HECW2: variants seen among roughly 807,000 people sequenced by gnomAD.
HECW2 encodes HECT, C2 and WW domain containing E3 ubiquitin protein ligase 2, also known as E3 ubiquitin-protein ligase HECW2.
A neutral mutation model predicts 175.2 loss-of-function variants in HECW2; 61 were observed. The observed-to-expected ratio is 0.35, with a 90% confidence interval of 0.28 to 0.43. The LOEUF (loss-of-function observed/expected upper bound fraction) is 0.43. HECW2 is among the 20% of genes least tolerant of loss of function. The pLI is 1.00. For missense variants in HECW2, 1,524 were observed against 2,000.5 expected, an observed-to-expected ratio of 0.76 and a Z score of 4.54; for synonymous variants, 671 against 731.0, an observed-to-expected ratio of 0.92 and a Z score of 1.32.
At chr2:196,446,269 A>G (rs566429996) in intron 1 of HECW2, among the ~76,000 whole-genome samples, 2 of 152,212 alleles carry the variant, frequency 1.3e-5, no homozygotes, top group Non-Finnish European at 2.9e-5. Flanking sequence ...TACTTCTTTC[A>G]TGGTTTTACC....
chr2:196,243,329 G>A (rs889604698), intron 19 of HECW2, among the ~76,000 whole-genome samples: 4 of 151,646 alleles, frequency 2.6e-5, no homozygotes, highest in Admixed American at 6.6e-5. Flanking sequence ...CACCACGCCC[G>A]ACTAATTTTG....
intron 4 of HECW2, among the ~76,000 whole-genome samples, chr2:196,333,378 G>C (rs552760067): frequency 6.6e-6 from 1 of 152,130 alleles, no homozygotes; most frequent in Non-Finnish European, 1.5e-5. Flanking sequence ...GTGCTTGATA[G>C]GTACAAGCAC....
At chr2:196,373,799 G>A (rs902717533) in intron 2 of HECW2, among the ~76,000 whole-genome samples, 2 of 152,072 alleles carry the variant, frequency 1.3e-5, no homozygotes, top group Admixed American at 1.3e-4. Context: ...TTGGGAAGCC[G>A]AGGCGGGCAG....
At chr2:196,293,359 TC>T (rs1375073598) in intron 13 of HECW2, among the ~76,000 whole-genome samples, 15 of 152,226 alleles carry the variant, frequency 9.9e-5, no homozygotes, top group Admixed American at 9.8e-4. Context: ...TGCATAGCAT[TC>T]CATGGTATAT....
At chr2:196,425,121 C>A (rs1695506864) in intron 2 of HECW2, among the ~76,000 whole-genome samples, 1 of 151,368 alleles carries the variant, frequency 6.6e-6, no homozygotes, top group Non-Finnish European at 1.5e-5. Flanking sequence ...AGAAATGGAA[C>A]AACAAAGCCA....
intron 17 of HECW2, among the ~76,000 whole-genome samples, chr2:196,261,148 G>A (rs1010551346): frequency 1.3e-5 from 2 of 152,050 alleles, no homozygotes; most frequent in African/African-American, 2.4e-5. Flanking sequence ...CGCACACTTC[G>A]CTTAGCAATT....
chr2:196,339,886 T>C (rs1197890662), intron 3 of HECW2, among the ~76,000 whole-genome samples: 1 of 152,214 alleles, frequency 6.6e-6, no homozygotes, highest in Non-Finnish European at 1.5e-5. Flanking sequence ...CCCACATTTA[T>C]ACTTGGTTTT....
chr2:196,241,340 A>G (rs115729730), intron 20 of HECW2, among the ~76,000 whole-genome samples: 1 of 152,154 alleles, frequency 6.6e-6, no homozygotes, highest in East Asian at 1.9e-4. Flanking sequence ...AGGGCAATGA[A>G]GGTGGATTTT....
chr2:196,468,179 G>A (rs1446352090), intron 1 of HECW2, among the ~76,000 whole-genome samples: 1 of 152,204 alleles, frequency 6.6e-6, no homozygotes, highest in African/African-American at 2.4e-5. Context: ...ATTTTTAGTA[G>A]AGATAGGGTT....
Position 196,225,879 on chromosome 2 carries a change from G to A in HECW2, c.3918-9C>T. 1 of 1,551,216 alleles carries A rather than the reference G, an allele frequency of 6.4e-7. No individual in the cohort carries two copies. The highest frequency in any genetic ancestry group is 8.9e-7 in the Non-Finnish European group (1 of 1,123,088). Reference sequence around the variant, plus strand: ...TACCACTGAATCGGAACCTGTGAAGGAAACACATGAGATGGCTTACATGTC... The same window carrying A: ...TACCACTGAATCGGAACCTGTGAAGAAAACACATGAGATGGCTTACATGTC... On this transcript the variant is annotated splice_polypyrimidine_tract_variant and intron_variant, in intron 22 of 28. Transcript: ENST00000644978.
chr2:196,295,705 G>A (rs1690784988), intron 13 of HECW2, among the ~76,000 whole-genome samples: 1 of 152,120 alleles, frequency 6.6e-6, no homozygotes, highest in Non-Finnish European at 1.5e-5. Context: ...TGTTAAAAAA[G>A]AACTTCATTA....
chr2:196,329,165 T>C (rs1692264028), intron 5 of HECW2, among the ~76,000 whole-genome samples: 1 of 152,212 alleles, frequency 6.6e-6, no homozygotes, highest in Non-Finnish European at 1.5e-5. Context: ...GCTTATCCAC[T>C]TTCCAATTTG....
intron 2 of HECW2, among the ~76,000 whole-genome samples, chr2:196,396,744 C>T (rs1458562402): frequency 6.6e-6 from 1 of 151,924 alleles, no homozygotes; most frequent in Non-Finnish European, 1.5e-5. Context: ...TGGGATGTGG[C>T]AATGTCCCCT....
chr2:196,258,071 T>G, intron 17 of HECW2, 165 bp from the exon 18 acceptor site: 1 of 536,936 alleles, frequency 1.9e-6, no homozygotes, highest in Non-Finnish European at 3.3e-6. Context: ...GACATGGTCT[T>G]TGCCTTCAAG....
chr2:196,383,854 TA>T (rs1278996872), intron 2 of HECW2, among the ~76,000 whole-genome samples: 4 of 152,274 alleles, frequency 2.6e-5, no homozygotes, highest in Admixed American at 2.6e-4. Context: ...TATTCTCATT[TA>T]TTTCACGGCA....
intron 1 of HECW2, among the ~76,000 whole-genome samples, chr2:196,486,524 C>A (rs1320144940): frequency 6.6e-6 from 1 of 152,154 alleles, no homozygotes; most frequent in African/African-American, 2.4e-5. Flanking sequence ...ACAGGAGTGA[C>A]CCTAACAGAA....
chr2:196,367,844 T>C (rs909461459), intron 2 of HECW2, among the ~76,000 whole-genome samples: 5 of 147,432 alleles, frequency 3.4e-5, no homozygotes, highest in African/African-American at 1.3e-4. Context: ...CATGGCCGAA[T>C]AGTACTCCAT....
At chr2:196,458,720 G>C (rs1368923749) in intron 1 of HECW2, among the ~76,000 whole-genome samples, 1 of 152,110 alleles carries the variant, frequency 6.6e-6, no homozygotes, top group Non-Finnish European at 1.5e-5. Context: ...ACAAAAATTA[G>C]CTGGGCGTGG....
rs972317700 is a variant in HECW2, at chr2:196,327,121, A to G, written c.572-1972T>C. Among the ~76,000 whole-genome samples, 22 of 152,356 alleles carry G rather than the reference A, an allele frequency of 1.4e-4. 1 individual carries two copies. The Middle Eastern group carries it at 0.01, about 71-fold the overall frequency. On this transcript the variant is annotated intron_variant, in intron 5 of 28. Coordinates refer to ENST00000644978, the MANE Select transcript of HECW2 (RefSeq NM_001348768.2). ...CTTTGTAGTAAATAAAGAGTAACATAGACAGAAATGAATGCCACAAGGTCT... is the reference window on the plus strand; with the variant it reads ...CTTTGTAGTAAATAAAGAGTAACATGGACAGAAATGAATGCCACAAGGTCT...
Sources: gnomAD v4.1 joint callset for allele counts (sites outside exome capture counted in the v4.1 genomes callset) on GRCh38, gnomAD v4.1.1 for gene constraint, MANE v1.5 for transcripts, NCBI Gene and HGNC (gene_info 2026-07-23, HGNC 2026-07-21) for gene names.